MFSD2A: variants seen among roughly 807,000 people sequenced by gnomAD.
The protein encoded by MFSD2A is MFSD2 lysolipid transporter A, lysophospholipid, also known as sodium-dependent lysophosphatidylcholine symporter 1.
MFSD2A carries 27 observed loss-of-function variants against 64.7 expected under a neutral mutation model. That is an observed-to-expected ratio of 0.42 (90% confidence interval 0.31 to 0.58). The LOEUF is 0.58. Among genes scored for constraint, MFSD2A ranks in the 20% least tolerant of loss-of-function variants. The pLI is 0.18. For missense variants in MFSD2A, 474 were observed against 679.5 expected (o/e 0.70, Z 3.36); for synonymous variants, 258 against 273.4 (o/e 0.94, Z 0.55).
In MFSD2A at chr1:39,965,031, G is replaced by A. The variant is rs1337516363; in HGVS notation, c.354-180G>A. The A allele has an allele frequency of 2.0e-5, 15 of 757,698 alleles. 2 individuals carry two copies. The highest frequency in any genetic ancestry group is 1.1e-4 in the African/African-American group (6 of 56,540). The allele number at this position is 757,698 out of a possible 1,614,324, so 46.9% of individuals were successfully genotyped here. ...GGTCCCAGTTCCCATCTGCCATTCC[G>A]GGCTTGGTCATCAGCCTCTTCCCAG... On this transcript the variant is annotated intron_variant, in intron 3 of 13. Transcript: ENST00000372811. The surrounding 1 kb of genome is among the most constrained non-coding windows in gnomAD (Gnocchi z 5.5).
chr1:39,967,787 T>C lies in MFSD2A; in HGVS notation c.1096-17T>C. 1.2e-6 allele frequency: 2 copies of C among 1,610,540 alleles called. No homozygotes were observed. The highest frequency in any genetic ancestry group is 1.7e-6 in the Non-Finnish European group (2 of 1,176,796). On this transcript the variant is annotated splice_polypyrimidine_tract_variant and intron_variant, in intron 10 of 13. Coordinates refer to ENST00000372811, the MANE Select transcript of MFSD2A (RefSeq NM_032793.5). ...GAACCTCCCAGCTGATTCATCTTCC[T>C]GCACCCCCTTCCCTAGTCAGCAGTG...
chr1:39,961,875 G>T (rs1645051635), intron 3 of MFSD2A, among the ~76,000 whole-genome samples: 1 of 152,218 alleles, frequency 6.6e-6, no homozygotes, highest in Non-Finnish European at 1.5e-5. Flanking sequence ...TGAGAGACCA[G>T]ATGTCAAGCA....
At position 39,964,738 on chromosome 1, in the gene MFSD2A, G is replaced by A; in HGVS notation, c.354-473G>A. 5.8e-6 allele frequency: 1 copy of A among 173,558 alleles called. No individual in the cohort carries two copies. Among genetic ancestry groups the A allele is most frequent in the South Asian group, 1.3e-4 (1 of 7,620 alleles). 10.8% of individuals were successfully genotyped at this position (173,558 alleles called of 1,614,324 possible). ...GTGTGTGTGTGTGAATGATGTGTGTGTGAATGAGGTGTGTGTGAATGGGGT... is the reference window on the plus strand; with the variant it reads ...GTGTGTGTGTGTGAATGATGTGTGTATGAATGAGGTGTGTGTGAATGGGGT... On this transcript the variant is annotated intron_variant, in intron 3 of 13. Coordinates refer to ENST00000372811, the MANE Select transcript of MFSD2A (RefSeq NM_032793.5). This position sits in a 1 kb window ranked among gnomAD's most constrained non-coding sequence, Gnocchi z 4.1.
At position 39,958,916 on chromosome 1, in the gene MFSD2A, A is replaced by G. The variant is rs1179436360; in HGVS notation, c.353+91A>G. On this transcript the variant is annotated intron_variant, in intron 3 of 13. Coordinates refer to ENST00000372811, the MANE Select transcript of MFSD2A (RefSeq NM_032793.5). This position sits in a 1 kb window ranked among gnomAD's most constrained non-coding sequence, Gnocchi z 4.7. Reference sequence around the variant, plus strand: ...CTTCTCTCTGTCTTGTCACAGGCAGAAGGGTGAGGAGAAGGAAGGAGTTAA... The same window carrying G: ...CTTCTCTCTGTCTTGTCACAGGCAGGAGGGTGAGGAGAAGGAAGGAGTTAA... The G allele has an allele frequency of 7.0e-7, 1 of 1,433,344 alleles. No homozygotes were observed. Among genetic ancestry groups the G allele is most frequent in the Non-Finnish European group, 9.4e-7 (1 of 1,062,838 alleles). The allele number at this position is 1,433,344 out of a possible 1,614,324, so 88.8% of individuals were successfully genotyped here.
rs1315227628 is a variant in MFSD2A at position 39,958,814 on chromosome 1, C to T, written c.342C>T (p.Arg114=). Residue 114 remains arginine (R), a synonymous_variant, in exon 3 of 14, where the codon CGC becomes CGT. Transcript: ENST00000372811. The surrounding 1 kb of genome is among the most constrained non-coding windows in gnomAD (Gnocchi z 4.7). ...AATCCCCCTGGACCTGCCTGGGTCG[C>T]CTTATGCCCTGGTGAGTAGAATATG... ...ISKSPWTCLG[R]LMPWIIFSTP... 6.2e-7 allele frequency: 1 copy of T among 1,609,880 alleles called. No homozygotes were observed. The highest frequency in any genetic ancestry group is 8.5e-7 in the Non-Finnish European group (1 of 1,177,822).
Position 39,961,388 on chromosome 1 carries a change from G to A in MFSD2A, c.353+2563G>A, listed in dbSNP as rs936853100. On this transcript the variant is annotated intron_variant, in intron 3 of 13. Transcript: ENST00000372811. ...GTTTGAGACAGAGTCTCGCTCTGTC[G>A]CCCAGACTGGAGTGCACTGGCGTGA... Among the ~76,000 whole-genome samples the A allele has an allele frequency of 3.9e-4, 49 of 125,434 alleles. 2 individuals are homozygous for A. The highest frequency in any genetic ancestry group is 6.6e-3 in the Middle Eastern group (1 of 152). 82.3% of individuals were successfully genotyped at this position (125,434 alleles called of 152,430 possible).
Position 39,958,836 on chromosome 1 carries a change from T to C in MFSD2A, c.353+11T>C. On this transcript the variant is annotated intron_variant, in intron 3 of 13. Transcript: ENST00000372811. This position sits in a 1 kb window ranked among gnomAD's most constrained non-coding sequence, Gnocchi z 4.7. ...TCGCCTTATGCCCTGGTGAGTAGAA[T>C]ATGCCCCTTCGAGGTGGCACAAGGC... The C allele has an allele frequency of 1.9e-6, 3 of 1,585,860 alleles. No homozygotes were observed. Among genetic ancestry groups the C allele is most frequent in the Non-Finnish European group, 2.6e-6 (3 of 1,165,252 alleles).
chr1:39,955,483 G>A lies in MFSD2A; in HGVS notation c.93+98G>A, dbSNP rs1184258217. On this transcript the variant is annotated intron_variant, in intron 1 of 13. Coordinates refer to ENST00000372811, the MANE Select transcript of MFSD2A (RefSeq NM_032793.5). The surrounding 1 kb of genome is among the most constrained non-coding windows in gnomAD (Gnocchi z 5.9). ...GGGTCGGCCTGGTCAGGGGACCATT[G>A]GGATAGCCAGGGACAGGAAGCCTAC... The A allele has an allele frequency of 4.1e-6, 5 of 1,223,592 alleles. No homozygotes were observed. The Admixed American group carries it at 1.0e-4, about 25-fold the overall frequency. The allele number at this position is 1,223,592 out of a possible 1,614,324, so 75.8% of individuals were successfully genotyped here.
chr1:39,967,681 C>T lies in MFSD2A; in HGVS notation c.1065C>T (p.Gly355=). 6.2e-7 allele frequency: 1 copy of T among 1,614,110 alleles called. No homozygotes were observed. Among genetic ancestry groups the T allele is most frequent in the Non-Finnish European group, 8.5e-7 (1 of 1,179,994 alleles). Residue 355 remains glycine, a synonymous_variant, in exon 10 of 14, where the codon GGC becomes GGT. Coordinates refer to ENST00000372811, the MANE Select transcript of MFSD2A (RefSeq NM_032793.5). ...PIWQWFLTRF[G]KKTAVYVGIS... ...GGCAGTGGTTCTTGACCCGGTTTGGCAAGAAGACAGCTGTATATGTTGGGA... is the reference window on the plus strand; with the variant it reads ...GGCAGTGGTTCTTGACCCGGTTTGGTAAGAAGACAGCTGTATATGTTGGGA...
chr1:39,967,486 C>T (rs1363427734), intron 9 of MFSD2A, 142 bp from the exon 10 acceptor site: 2 of 774,082 alleles, frequency 2.6e-6, no homozygotes, highest in Non-Finnish European at 2.3e-6. Context: ...GTCAAAGGTG[C>T]CTGTCATCTT....
At chr1:39,962,192 T>A (rs188755511) in intron 3 of MFSD2A, among the ~76,000 whole-genome samples, 75 of 152,300 alleles carry the variant, frequency 4.9e-4, no homozygotes, top group Non-Finnish European at 1.5e-4. Flanking sequence ...ACTCGAGCCC[T>A]CCTGGCCTTG....
chr1:39,965,111 C>A lies in MFSD2A; in HGVS notation c.354-100C>A. ...TATGGGGAAGGAAGGAAGAGCTTAG[C>A]TTCCTTCCCTGTGGGGACCCTGTGA... is the stretch of plus-strand genomic sequence containing the variant. On this transcript the variant is annotated intron_variant, in intron 3 of 13. Transcript: ENST00000372811. This position sits in a 1 kb window ranked among gnomAD's most constrained non-coding sequence, Gnocchi z 5.5. 2 of 1,515,646 alleles carry A rather than the reference C, an allele frequency of 1.3e-6. No individual in the cohort carries two copies. The highest frequency in any genetic ancestry group is 1.8e-6 in the Non-Finnish European group (2 of 1,113,826). 93.9% of individuals were successfully genotyped at this position (1,515,646 alleles called of 1,614,324 possible). A position where few individuals can be genotyped will look rare whatever the true frequency, so the allele number is the denominator to read the frequency against.
In MFSD2A at chr1:39,968,836, C is replaced by A; in HGVS notation, c.1529+91C>A. On this transcript the variant is annotated intron_variant, in intron 13 of 13. Coordinates refer to ENST00000372811, the MANE Select transcript of MFSD2A (RefSeq NM_032793.5). This position sits in a 1 kb window ranked among gnomAD's most constrained non-coding sequence, Gnocchi z 4.4. ...TCTCCTGTGGCCAAGTCCAGACTCA[C>A]CCCCCACACATCTTCTCTGGACAGC... 1 of 1,368,644 alleles carries A rather than the reference C, an allele frequency of 7.3e-7. No homozygotes were observed. Among genetic ancestry groups the A allele is most frequent in the Non-Finnish European group, 1.0e-6 (1 of 992,692 alleles). The allele number at this position is 1,368,644 out of a possible 1,614,324, so 84.8% of individuals were successfully genotyped here.
chr1:39,962,271 C>T (rs1397573896), intron 3 of MFSD2A, among the ~76,000 whole-genome samples: 1 of 152,200 alleles, frequency 6.6e-6, no homozygotes, highest in African/African-American at 2.4e-5. Flanking sequence ...GCCCGGTCCA[C>T]TCTTGCCTCA....
rs148519651 is a variant in MFSD2A at position 39,966,119 on chromosome 1, G to A, written c.714+105G>A. The A allele has an allele frequency of 2.0e-4, 263 of 1,344,580 alleles. No individual in the cohort carries two copies. In the African/African-American group the frequency reaches 3.5e-3, roughly 18 times the overall value. The allele number at this position is 1,344,580 out of a possible 1,614,324, so 83.3% of individuals were successfully genotyped here. On this transcript the variant is annotated intron_variant, in intron 6 of 13. Coordinates refer to ENST00000372811, the MANE Select transcript of MFSD2A (RefSeq NM_032793.5). ...GCTAGTGTTTATTAAATAAATGTTG[G>A]GCATTTGATATACATAACAATTAAT...
Position 39,960,134 on chromosome 1 carries a change from G to GAC in MFSD2A, c.353+1309_353+1310insAC. 6.6e-6 allele frequency among the ~76,000 whole-genome samples: 1 copy of GAC among 152,254 alleles called. No homozygotes were observed. The highest frequency in any genetic ancestry group is 1.5e-5 in the Non-Finnish European group (1 of 68,040). On this transcript the variant is annotated intron_variant, in intron 3 of 13. Transcript: ENST00000372811. The surrounding 1 kb of genome is among the most constrained non-coding windows in gnomAD (Gnocchi z 4.8). ...CAGCTTCAGGGGCAAAGTAGGCGGA[G>GAC]GTGGTGCCACGGATCGGATCAGACG...
intron 6 of MFSD2A, among the ~76,000 whole-genome samples, chr1:39,966,347 T>C (rs977043745): frequency 6.6e-6 from 1 of 152,102 alleles, no homozygotes; most frequent in African/African-American, 2.4e-5. Context: ...CCAGGCTGGT[T>C]TCAAACTCCT....
intron 2 of MFSD2A, 107 bp downstream of exon 2, chr1:39,957,328 C>G: frequency 5.1e-6 from 6 of 1,170,464 alleles, no homozygotes; most frequent in Non-Finnish European, 7.1e-6. Context: ...AATGGGACCC[C>G]AAATCACTAC....
chr1:39,965,379 A>AGGG lies in MFSD2A; in HGVS notation c.477+46_477+48dup. On this transcript the variant is annotated intron_variant, in intron 4 of 13. Coordinates refer to ENST00000372811, the MANE Select transcript of MFSD2A (RefSeq NM_032793.5). This position sits in a 1 kb window ranked among gnomAD's most constrained non-coding sequence, Gnocchi z 5.5. ...TTGGGTGTCTCTAGGGGCCGGGAGG[A>AGGG]GGGCGGTCCTTGGGGCCCCCAGGGT... 6.2e-7 allele frequency: 1 copy of AGGG among 1,613,280 alleles called. No homozygotes were observed. Among genetic ancestry groups the AGGG allele is most frequent in the Non-Finnish European group, 8.5e-7 (1 of 1,179,672 alleles).
Sources: gnomAD v4.1 joint callset for allele counts (sites outside exome capture counted in the v4.1 genomes callset) on GRCh38, gnomAD v4.1.1 for gene constraint, Gnocchi (gnomAD v3.1) non-coding constraint, MANE v1.5 for transcripts, NCBI Gene and HGNC (gene_info 2026-07-23, HGNC 2026-07-21) for gene names.